TTLL4: variants seen among roughly 807,000 people sequenced by gnomAD.
TTLL4 encodes the protein tubulin monoglutamylase TTLL4.
In TTLL4, 85 loss-of-function variants were observed where a neutral mutation model predicts 122.7. The ratio of observed to expected loss-of-function variants is 0.69; its 90% CI spans 0.58 to 0.83. The LOEUF is 0.83. Among genes scored for constraint, TTLL4 ranks in the 40% least tolerant of loss-of-function variants. The pLI, the probability that TTLL4 is intolerant of heterozygous loss-of-function variation, is 0.00. For missense variants in TTLL4, 1,363 were observed against 1,488.6 expected, an observed-to-expected ratio of 0.92 and a Z score of 1.39; for synonymous variants, 553 against 563.0, an observed-to-expected ratio of 0.98 and a Z score of 0.25.
chr2:218,742,281 T>C (rs190491763), intron 5 of TTLL4, among the ~76,000 whole-genome samples: 8 of 152,340 alleles, frequency 5.3e-5, no homozygotes, highest in East Asian at 1.9e-4. Context: ...AAAATGGAGA[T>C]AGATGAATTC....
At chr2:218,758,704 G>C (rs550543680), downstream of TTLL4, among the ~76,000 whole-genome samples, 4 of 152,334 alleles carry the variant, frequency 2.6e-5, no homozygotes, top group African/African-American at 9.6e-5. Flanking sequence ...CCAAGTGTCA[G>C]TATGATACTG....
At chr2:218,758,595 A>G (rs1943191639), downstream of TTLL4, among the ~76,000 whole-genome samples, 1 of 152,236 alleles carries the variant, frequency 6.6e-6, no homozygotes, top group South Asian at 2.1e-4. Flanking sequence ...TTAACTTAGA[A>G]AGATTAAAGC....
At chr2:218,739,780 G>T (rs892524048) in intron 3 of TTLL4, among the ~76,000 whole-genome samples, 2 of 152,216 alleles carry the variant, frequency 1.3e-5, no homozygotes, top group Non-Finnish European at 2.9e-5. Context: ...TCCATTGATG[G>T]TTTTTTAGAT....
chr2:218,741,425 G>A (rs1942698484), intron 5 of TTLL4, among the ~76,000 whole-genome samples: 1 of 152,198 alleles, frequency 6.6e-6, no homozygotes, highest in South Asian at 2.1e-4. Flanking sequence ...CTTAGATGAA[G>A]CTAAGAAGAA....
chr2:218,744,444 A>G (rs1942785535), intron 5 of TTLL4, among the ~76,000 whole-genome samples: 1 of 152,172 alleles, frequency 6.6e-6, no homozygotes, highest in Non-Finnish European at 1.5e-5. Context: ...TTGGATTAAC[A>G]GTAGGGACCC....
chr2:218,745,863 G>C (rs912289233), intron 7 of TTLL4, 62 bp downstream of exon 7: 2 of 1,470,162 alleles, frequency 1.4e-6, no homozygotes, highest in Non-Finnish European at 1.9e-6. Context: ...CTTTGCATAG[G>C]GGGAGAGCTC....
chr2:218,756,448 G>A (rs942496174), downstream of TTLL4, among the ~76,000 whole-genome samples: 9 of 152,152 alleles, frequency 5.9e-5, no homozygotes, highest in African/African-American at 2.2e-4. Flanking sequence ...AAACAAGTTT[G>A]TACATTATTC....
intron 2 of TTLL4, among the ~76,000 whole-genome samples, chr2:218,729,012 A>G (rs976594070): frequency 7.1e-6 from 1 of 140,926 alleles, no homozygotes; most frequent in Non-Finnish European, 1.5e-5. Context: ...GGCTCACTGT[A>G]GCCTCCACCT....
rs537078305 is a variant in TTLL4, at chr2:218,753,775, G to A, written c.3344+106G>A. 856 of 1,222,232 alleles carry A rather than the reference G, an allele frequency of 7.0e-4. 19 individuals carry two copies. In the South Asian group the frequency reaches 0.01, roughly 14 times the overall value. 75.7% of individuals were successfully genotyped at this position (1,222,232 alleles called of 1,614,324 possible). ...GCAGTGAGATCAGCATTCTCCAGCT[G>A]GGGGTTGGTGGGAGCGTCAGGACAT... On this transcript the variant is annotated intron_variant, in intron 19 of 19. Coordinates refer to ENST00000392102, the MANE Select transcript of TTLL4 (RefSeq NM_014640.5).
In TTLL4 at chr2:218,747,472, G is replaced by A. The variant is rs888095657; in HGVS notation, c.2249+100G>A. The A allele has an allele frequency of 7.0e-6, 11 of 1,567,556 alleles. No homozygotes were observed. Among genetic ancestry groups the A allele is most frequent in the Middle Eastern group, 2.0e-4 (1 of 4,916 alleles). On this transcript the variant is annotated intron_variant, in intron 10 of 19. Coordinates refer to ENST00000392102, the MANE Select transcript of TTLL4 (RefSeq NM_014640.5). The surrounding 1 kb of genome is among the most constrained non-coding windows in gnomAD (Gnocchi z 4.7). ...TGCCCTTTGTTCTCCCAGCCAAAGA[G>A]CTTCCTTAGCCAACTGTTCTAAGGT...
At chr2:218,733,057 T>G (rs1054791747) in intron 2 of TTLL4, among the ~76,000 whole-genome samples, 1 of 152,180 alleles carries the variant, frequency 6.6e-6, no homozygotes, top group African/African-American at 2.4e-5. Context: ...AGCCATCTTA[T>G]CCAACCTTGG....
chr2:218,715,410 A>C (rs1454084174), intron 1 of TTLL4, among the ~76,000 whole-genome samples: 2 of 152,172 alleles, frequency 1.3e-5, no homozygotes, highest in Non-Finnish European at 2.9e-5. Flanking sequence ...AAATCCATGG[A>C]TCTGTCTCAC....
intron 1 of TTLL4, among the ~76,000 whole-genome samples, chr2:218,716,818 T>G (rs1031708157): frequency 2.6e-5 from 4 of 152,072 alleles, no homozygotes; most frequent in African/African-American, 9.7e-5. Context: ...CACTGTGCCA[T>G]CAAGTAAACC....
At chr2:218,729,789 T>A (rs1942314749) in intron 2 of TTLL4, among the ~76,000 whole-genome samples, 1 of 150,792 alleles carries the variant, frequency 6.6e-6, no homozygotes, top group Non-Finnish European at 1.5e-5. Context: ...AGGATCTTAT[T>A]CTGTCACCCA....
Position 218,747,448 on chromosome 2 carries a change from G to A in TTLL4, c.2249+76G>A. 6.3e-7 allele frequency: 1 copy of A among 1,580,480 alleles called. No individual in the cohort carries two copies. Among genetic ancestry groups the A allele is most frequent in the African/African-American group, 1.4e-5 (1 of 73,910 alleles). ...CGAGGTTCCCTTCTTACAATGTTCTGCCCTTTGTTCTCCCAGCCAAAGAGC... is the reference window on the plus strand; with the variant it reads ...CGAGGTTCCCTTCTTACAATGTTCTACCCTTTGTTCTCCCAGCCAAAGAGC... On this transcript the variant is annotated intron_variant, in intron 10 of 19. Transcript: ENST00000392102. The surrounding 1 kb of genome is among the most constrained non-coding windows in gnomAD (Gnocchi z 4.7).
intron 2 of TTLL4, among the ~76,000 whole-genome samples, chr2:218,729,748 TAAA>T (rs771622464): frequency 1.5e-4 from 12 of 78,734 alleles, no homozygotes; most frequent in African/African-American, 2.1e-4. Context: ...TCTCTCTTTT[TAAA>T]AAAAAAAAAA....
intron 4 of TTLL4, 87 bp downstream of exon 4, chr2:218,740,254 C>A: frequency 7.9e-7 from 1 of 1,266,472 alleles, no homozygotes; most frequent in Non-Finnish European, 1.1e-6. Flanking sequence ...AGGTCCTTGA[C>A]TCACATTACC....
Position 218,752,787 on chromosome 2 carries a change from G to A in TTLL4, c.3001G>A (p.Val1001Ile), listed in dbSNP as rs2106464249. 1 of 1,614,216 alleles carries A rather than the reference G, an allele frequency of 6.2e-7. No individual in the cohort carries two copies. Among genetic ancestry groups the A allele is most frequent in the East Asian group, 2.2e-5 (1 of 44,884 alleles). The stretch of plus-strand genomic sequence containing the variant: ...GGACTTCTATGCATCTGTGCTGGAT[G>A]TCCTGACACCAGATGATGTTCGGAT... ...DQDFYASVLD[V>I]LTPDDVRILV... Residue 1001 changes from valine (V) to isoleucine (I), a missense_variant, in exon 17 of 20, where the codon GTC (valine) becomes ATC (isoleucine). Physicochemically the swap from Val to Ile is conservative, Grantham distance 29. Transcript: ENST00000392102.
In TTLL4 at chr2:218,750,607, T is replaced by C. The variant is rs76238257; in HGVS notation, c.2873+461T>C. On this transcript the variant is annotated intron_variant, in intron 15 of 19. Transcript: ENST00000392102. Reference sequence around the variant, plus strand: ...TTCCTTTTTCTTGGTGTATCTCTCTTTCTTCTTCCTCTCCTGGCTCCTGTG... The same window carrying C: ...TTCCTTTTTCTTGGTGTATCTCTCTCTCTTCTTCCTCTCCTGGCTCCTGTG... Among the ~76,000 whole-genome samples the C allele has an allele frequency of 8.5e-5, 13 of 152,292 alleles. No homozygotes were observed. In the East Asian group the frequency reaches 2.5e-3, roughly 29 times the overall value.
Sources: allele counts gnomAD v4.1 joint callset (sites outside exome capture counted in the v4.1 genomes callset), GRCh38; gene constraint gnomAD v4.1.1; non-coding constraint Gnocchi (gnomAD v3.1); transcripts MANE v1.5; gene names NCBI Gene and HGNC (gene_info 2026-07-23, HGNC 2026-07-21).